Variants in SCLT1 observed in about 807,000 individuals in gnomAD.
SCLT1 encodes the protein sodium channel and clathrin linker 1.
SCLT1 carries 78 observed loss-of-function variants against 112.8 expected under a neutral mutation model. That is an observed-to-expected ratio of 0.69 (90% CI 0.58 to 0.83). The LOEUF is 0.83. Ranked by LOEUF, SCLT1 falls within the 40% of genes least tolerant of loss-of-function variation. The probability of loss-of-function intolerance (pLI) is 0.00; values close to 1 mark genes in which losing one functional copy is unlikely to be tolerated. For synonymous variants in SCLT1, 257 were observed against 254.7 expected (o/e 1.01, Z -0.09); for missense variants, 747 against 770.4 (o/e 0.97, Z 0.36).
downstream of SCLT1, among the ~76,000 whole-genome samples, chr4:128,882,205 C>T (rs1197583936): frequency 1.3e-5 from 2 of 152,020 alleles, no homozygotes; most frequent in Non-Finnish European, 2.9e-5. Flanking sequence ...TTTTAAAAAA[C>T]AAATTCTATG....
chr4:129,011,666 C>T (rs982117564), intron 5 of SCLT1, among the ~76,000 whole-genome samples: 1 of 151,946 alleles, frequency 6.6e-6, no homozygotes. Context: ...TTATCTGGTC[C>T]TGGGCTTTTT....
At chr4:129,065,696 A>T (rs866422503) in intron 2 of SCLT1, among the ~76,000 whole-genome samples, 5 of 152,102 alleles carry the variant, frequency 3.3e-5, no homozygotes, top group Admixed American at 2.6e-4. Context: ...TATTTATATA[A>T]TGTAATTTAT....
intron 17 of SCLT1, among the ~76,000 whole-genome samples, chr4:128,940,042 T>C (rs1006339911): frequency 7.9e-5 from 12 of 152,130 alleles, no homozygotes; most frequent in African/African-American, 2.4e-4. Flanking sequence ...TGGTGAGATA[T>C]GTGGGGTAGA....
intron 2 of SCLT1, among the ~76,000 whole-genome samples, chr4:129,081,299 T>C (rs1342597258): frequency 6.6e-6 from 1 of 152,112 alleles, no homozygotes; most frequent in African/African-American, 2.4e-5. Flanking sequence ...ACCAATAAAT[T>C]AGGTGGAGCC....
chr4:129,082,830 A>C (rs1000472881), intron 1 of SCLT1, among the ~76,000 whole-genome samples: 2 of 152,180 alleles, frequency 1.3e-5, no homozygotes, highest in African/African-American at 2.4e-5. Context: ...GAAGAATCCA[A>C]ATTAAACAGG....
chr4:128,959,616 T>C lies in SCLT1; in HGVS notation c.1031A>G (p.Asn344Ser). 1 of 1,613,054 alleles carries C rather than the reference T, an allele frequency of 6.2e-7. No homozygotes were observed. Among genetic ancestry groups the C allele is most frequent in the Admixed American group, 1.7e-5 (1 of 59,994 alleles). The part of the protein sequence containing the change: ...RNSMQLLEEA[N>S]LQKSQALLEE... ...CTTTCTTACCTGACTTTTTTGAAGG[T>C]TAGCTTCTTCTAAGAGTTGCATGCT... The change falls in exon 12 of 21, where the codon AAC (asparagine) becomes AGC (serine). Residue 344 changes from asparagine (N) to serine (S), a missense_variant. This residue lies in a region of SCLT1 where 723 missense variants were observed against 721.3 expected (regional missense o/e 1.00). Coordinates refer to ENST00000281142, the MANE Select transcript of SCLT1 (RefSeq NM_144643.4).
chr4:129,064,603 CAGTT>C (rs763911831), intron 2 of SCLT1, among the ~76,000 whole-genome samples: 11 of 152,214 alleles, frequency 7.2e-5, no homozygotes, highest in South Asian at 2.1e-4. Context: ...TAGATGTACA[CAGTT>C]AGAGGAATAA....
At chr4:128,984,050 C>T (rs960920386) in intron 9 of SCLT1, among the ~76,000 whole-genome samples, 1 of 152,164 alleles carries the variant, frequency 6.6e-6, no homozygotes, top group Non-Finnish European at 1.5e-5. Flanking sequence ...CAACTCTGAA[C>T]TGCTTAATGT....
intron 7 of SCLT1, among the ~76,000 whole-genome samples, chr4:128,999,173 C>A (rs1579643907): frequency 6.6e-6 from 1 of 151,928 alleles, no homozygotes; most frequent in Non-Finnish European, 1.5e-5. Flanking sequence ...ATTAAGATAC[C>A]TTCCTGTTGT....
chr4:129,069,912 T>C (rs1374998340), intron 2 of SCLT1, among the ~76,000 whole-genome samples: 1 of 152,136 alleles, frequency 6.6e-6, no homozygotes, highest in Non-Finnish European at 1.5e-5. Context: ...GCTTTTATTA[T>C]GTTGAGGTAT....
At chr4:128,940,945 G>A (rs1211185177) in intron 17 of SCLT1, among the ~76,000 whole-genome samples, 3 of 151,816 alleles carry the variant, frequency 2.0e-5, no homozygotes, top group Non-Finnish European at 2.9e-5. Flanking sequence ...TTAGCTGCAC[G>A]TTCACTTAGA....
intron 2 of SCLT1, among the ~76,000 whole-genome samples, chr4:129,065,655 CTAAAT>C (rs1750414151): frequency 6.6e-6 from 1 of 151,790 alleles, no homozygotes; most frequent in Admixed American, 6.6e-5. Context: ...TTGCTAAACT[CTAAAT>C]TACAATAAAT....
intron 18 of SCLT1, among the ~76,000 whole-genome samples, chr4:128,921,875 G>C (rs1218903481): frequency 6.6e-6 from 1 of 152,086 alleles, no homozygotes; most frequent in Non-Finnish European, 1.5e-5. Flanking sequence ...CAGAATGGGA[G>C]AGAATATTAG....
intron 9 of SCLT1, among the ~76,000 whole-genome samples, chr4:128,986,573 A>G (rs1274513981): frequency 6.6e-6 from 1 of 152,168 alleles, no homozygotes; most frequent in African/African-American, 2.4e-5. Flanking sequence ...GCTCAGGGAA[A>G]GGGGAAGAAA....
At chr4:129,003,643 A>C in intron 6 of SCLT1, 98 bp downstream of exon 6, 1 of 979,576 alleles carries the variant, frequency 1.0e-6, no homozygotes, top group East Asian at 2.7e-5. Flanking sequence ...ATAATGTTAC[A>C]ATTTTATTAT....
At chr4:128,909,303 T>C (rs961198526) in intron 18 of SCLT1, among the ~76,000 whole-genome samples, 5 of 152,136 alleles carry the variant, frequency 3.3e-5, no homozygotes, top group Admixed American at 3.3e-4. Flanking sequence ...CAGGCTGGAG[T>C]GCAGTAGCAT....
intron 5 of SCLT1, among the ~76,000 whole-genome samples, chr4:129,034,178 T>TTAA (rs1437690786): frequency 1.3e-5 from 2 of 152,146 alleles, no homozygotes; most frequent in African/African-American, 4.8e-5. Context: ...AATGGCTTTA[T>TTAA]TATTGTTTTT....
At chr4:128,920,165 G>A (rs545048226) in intron 18 of SCLT1, among the ~76,000 whole-genome samples, 110 of 152,282 alleles carry the variant, frequency 7.2e-4, no homozygotes, top group Middle Eastern at 3.4e-3. Flanking sequence ...CTAGCAAATT[G>A]AATCCAGCAG....
chr4:129,015,120 G>A (rs1332058558), intron 5 of SCLT1, among the ~76,000 whole-genome samples: 1 of 152,112 alleles, frequency 6.6e-6, no homozygotes, highest in Non-Finnish European at 1.5e-5. Context: ...TTCCCACCAA[G>A]GCTCTGTCTG....
Sources: allele counts gnomAD v4.1 joint callset (sites outside exome capture counted in the v4.1 genomes callset), GRCh38; gene constraint gnomAD v4.1.1; regional missense constraint gnomAD v4.1.1; transcripts MANE v1.5; gene names NCBI Gene and HGNC (gene_info 2026-07-23, HGNC 2026-07-21).